The following EHBP1 variants were observed in gnomAD, a reference collection of about 807,000 sequenced individuals.
EHBP1 encodes the protein EH domain-binding protein 1.
In EHBP1, 55 loss-of-function variants were observed where a neutral mutation model predicts 144.0. That is an observed-to-expected ratio of 0.38 (90% confidence interval 0.31 to 0.48). The LOEUF is 0.48. EHBP1 is among the 20% of genes least tolerant of loss of function. The probability of loss-of-function intolerance (pLI) is 0.98; values close to 1 mark genes in which losing one functional copy is unlikely to be tolerated. For missense variants in EHBP1, 1,200 were observed against 1,364.2 expected (o/e 0.88, Z 1.90); for synonymous variants, 469 against 472.7 (o/e 0.99, Z 0.10).
chr2:62,685,129 T>A (rs541022204), intron 1 of EHBP1, among the ~76,000 whole-genome samples: 2 of 152,204 alleles, frequency 1.3e-5, no homozygotes, highest in Admixed American at 1.3e-4. Flanking sequence ...TAGCTAATAA[T>A]TGAGTACAGT....
At chr2:62,748,229 G>A (rs189738145) in intron 3 of EHBP1, among the ~76,000 whole-genome samples, 3 of 152,266 alleles carry the variant, frequency 2.0e-5, no homozygotes, top group African/African-American at 2.4e-5. Context: ...AGTTATCTGA[G>A]TCTGTTGCTG....
intron 1 of EHBP1, among the ~76,000 whole-genome samples, chr2:62,684,681 A>C (rs2033659182): frequency 2.0e-5 from 3 of 152,234 alleles, no homozygotes; most frequent in Admixed American, 2.0e-4. Context: ...TTCATGCTAA[A>C]AAATATTAAA....
intron 3 of EHBP1, among the ~76,000 whole-genome samples, chr2:62,754,663 C>T (rs4671448): frequency 0.59 from 89,192 of 152,046 alleles, 26,679 homozygotes; most frequent in Middle Eastern, 0.76. Flanking sequence ...CCTGACTGCT[C>T]TGTCTACTCA....
chr2:62,825,999 A>G, intron 5 of EHBP1, 88 bp from the exon 6 acceptor site: 2 of 958,266 alleles, frequency 2.1e-6, no homozygotes. Context: ...TTCAATTATT[A>G]TTTGATTTAT....
At chr2:62,891,038 C>T (rs559654267) in intron 10 of EHBP1, among the ~76,000 whole-genome samples, 12 of 151,580 alleles carry the variant, frequency 7.9e-5, no homozygotes, top group Admixed American at 7.9e-4. Flanking sequence ...ATTTGCTGGG[C>T]ATGGAGGCAC....
At chr2:62,860,200 G>T (rs560029245) in intron 8 of EHBP1, among the ~76,000 whole-genome samples, 2 of 152,078 alleles carry the variant, frequency 1.3e-5, no homozygotes, top group African/African-American at 2.4e-5. Flanking sequence ...TCTTAAAAAG[G>T]TTACAATAGC....
intron 8 of EHBP1, among the ~76,000 whole-genome samples, chr2:62,864,248 C>G (rs1573786563): frequency 6.6e-6 from 1 of 152,266 alleles, no homozygotes; most frequent in Non-Finnish European, 1.5e-5. Flanking sequence ...GGGTTCCAGC[C>G]ATCCTTCCAC....
At chr2:62,674,058 C>T (rs1371922462) in exon 1 of EHBP1, 1 of 471,110 alleles carries the variant, frequency 2.1e-6, no homozygotes, top group Non-Finnish European at 4.4e-6. Context: ...AAAGCCAAGC[C>T]AACCACCTAA....
At chr2:62,764,548 G>A (rs918144183) in intron 4 of EHBP1, among the ~76,000 whole-genome samples, 187 bp downstream of exon 4, 1 of 151,842 alleles carries the variant, frequency 6.6e-6, no homozygotes, top group African/African-American at 2.4e-5. Flanking sequence ...ATAAAGTCGG[G>A]GATCTTCTTG....
chr2:62,925,124 A>G (rs1330839808), intron 10 of EHBP1, among the ~76,000 whole-genome samples: 1 of 152,226 alleles, frequency 6.6e-6, no homozygotes, highest in Non-Finnish European at 1.5e-5. Context: ...GATCATCTCA[A>G]TAGGTATAGA....
chr2:62,941,823 G>T lies in EHBP1; in HGVS notation c.1186-895G>T, dbSNP rs181618496. Among the ~76,000 whole-genome samples, 7 of 152,172 alleles carry T rather than the reference G, an allele frequency of 4.6e-5. No individual in the cohort carries two copies. In the East Asian group the frequency reaches 1.3e-3, roughly 29 times the overall value. ...AAGATTTAAAGTCCGGAAACATTTA[G>T]CAGTTTTCTTTGTAGTTTTCAATTG... On this transcript the variant is annotated intron_variant, in intron 10 of 22. Transcript: ENST00000431489.
chr2:62,842,140 G>T (rs1184290816), intron 7 of EHBP1, among the ~76,000 whole-genome samples: 1 of 151,976 alleles, frequency 6.6e-6, no homozygotes, highest in Non-Finnish European at 1.5e-5. Flanking sequence ...AGGCTGGAGT[G>T]CAGTGACACA....
chr2:62,694,038 C>A (rs1456399190), intron 1 of EHBP1, among the ~76,000 whole-genome samples: 2 of 152,058 alleles, frequency 1.3e-5, no homozygotes, highest in Non-Finnish European at 2.9e-5. Flanking sequence ...TTTCTTCTAA[C>A]AGTTTTATAG....
intron 10 of EHBP1, chr2:62,940,032 G>A: frequency 2.7e-6 from 1 of 371,218 alleles, no homozygotes; most frequent in Non-Finnish European, 5.3e-6. Context: ...CCCTGAAGAA[G>A]TGTGTGCTGA....
At chr2:62,918,991 G>C (rs1167552759) in intron 10 of EHBP1, among the ~76,000 whole-genome samples, 1 of 152,108 alleles carries the variant, frequency 6.6e-6, no homozygotes, top group African/African-American at 2.4e-5. Flanking sequence ...AATTTTGGTC[G>C]GTTTCAGCTC....
chr2:63,022,061 C>T (rs1171598479), intron 19 of EHBP1, among the ~76,000 whole-genome samples: 6 of 151,842 alleles, frequency 4.0e-5, no homozygotes, highest in East Asian at 1.9e-4. Flanking sequence ...CCACCGCGCC[C>T]GGCATTCGAA....
At chr2:62,896,670 T>G (rs1265921093) in intron 10 of EHBP1, among the ~76,000 whole-genome samples, 1 of 150,560 alleles carries the variant, frequency 6.6e-6, no homozygotes, top group African/African-American at 2.4e-5. Context: ...AGATATAATA[T>G]AGCCCATCTT....
intron 8 of EHBP1, 23 bp from the exon 9 acceptor site, chr2:62,864,708 A>T: frequency 6.3e-7 from 1 of 1,588,610 alleles, no homozygotes; most frequent in Non-Finnish European, 8.6e-7. Flanking sequence ...ATGTGATTTA[A>T]TTCATCTGCT....
intron 5 of EHBP1, among the ~76,000 whole-genome samples, chr2:62,787,377 CCCCACA>C (rs2042878557): frequency 6.7e-6 from 1 of 148,658 alleles, no homozygotes; most frequent in African/African-American, 2.5e-5. Flanking sequence ...TCCTGCACCA[CCCCACA>C]CTGCACCGCT....
Sources: gnomAD v4.1 joint callset for allele counts (sites outside exome capture counted in the v4.1 genomes callset) on GRCh38, gnomAD v4.1.1 for gene constraint, MANE v1.5 for transcripts, NCBI Gene and HGNC (gene_info 2026-07-23, HGNC 2026-07-21) for gene names.